The following ST6GALNAC5 variants were observed in gnomAD, a reference collection of about 807,000 sequenced individuals.
ST6GALNAC5 encodes ST6 N-acetylgalactosaminide alpha-2,6-sialyltransferase 5, also known as alpha-N-acetylgalactosaminide alpha-2,6-sialyltransferase 5.
In ST6GALNAC5, 27 loss-of-function variants were observed where a neutral mutation model predicts 33.6. That is an observed-to-expected ratio of 0.80 (90% CI 0.59 to 1.11). The LOEUF is 1.11. Ranked by LOEUF, ST6GALNAC5 falls within the 50% of genes least tolerant of loss-of-function variation. The probability of loss-of-function intolerance (pLI) is 0.00; values close to 1 mark genes in which losing one functional copy is unlikely to be tolerated. For missense variants in ST6GALNAC5, 428 were observed against 454.0 expected (o/e 0.94, Z 0.52); for synonymous variants, 194 against 171.2 (o/e 1.13, Z -1.04).
At chr1:77,056,271 A>G (rs1652392421) in intron 4 of ST6GALNAC5, among the ~76,000 whole-genome samples, 1 of 152,170 alleles carries the variant, frequency 6.6e-6, no homozygotes, top group South Asian at 2.1e-4. Flanking sequence ...GCGTGAAAAG[A>G]TCTGTTGTCG....
intron 2 of ST6GALNAC5, among the ~76,000 whole-genome samples, chr1:76,942,600 C>T (rs1007740880): frequency 1.3e-5 from 2 of 152,098 alleles, no homozygotes; most frequent in African/African-American, 4.8e-5. Context: ...GCTCTAAGCA[C>T]AGCAGCACAT....
chr1:76,942,273 A>C (rs1369842014), intron 2 of ST6GALNAC5, among the ~76,000 whole-genome samples: 2 of 152,084 alleles, frequency 1.3e-5, no homozygotes, highest in African/African-American at 2.4e-5. Flanking sequence ...AGTATTCCTG[A>C]AATTGGTTTT....
At chr1:76,979,286 G>A (rs2100378497) in intron 2 of ST6GALNAC5, among the ~76,000 whole-genome samples, 1 of 152,120 alleles carries the variant, frequency 6.6e-6, no homozygotes, top group Non-Finnish European at 1.5e-5. Context: ...AATTCATATT[G>A]AAATGCAGAA....
rs555015247 is a variant in ST6GALNAC5 at position 76,867,772 on chromosome 1, G to A, written c.15+82G>A. The A allele has an allele frequency of 1.6e-4, 262 of 1,604,242 alleles. 1 individual carries two copies. In the East Asian group the frequency reaches 3.6e-3, roughly 22 times the overall value. ...CCACGGGACGCACCGTGGAGACTCC[G>A]AGACGCCTAACCCTGGGCCGCGAGG... On this transcript the variant is annotated intron_variant, in intron 1 of 4. Transcript: ENST00000477717.
chr1:76,946,745 T>C (rs1231465048), intron 2 of ST6GALNAC5, among the ~76,000 whole-genome samples: 1 of 152,172 alleles, frequency 6.6e-6, no homozygotes, highest in Non-Finnish European at 1.5e-5. Flanking sequence ...TTTGGGCTTC[T>C]GCTTTTGTGT....
intron 2 of ST6GALNAC5, among the ~76,000 whole-genome samples, chr1:76,936,071 G>A (rs1647200011): frequency 6.6e-6 from 1 of 151,958 alleles, no homozygotes; most frequent in East Asian, 1.9e-4. Context: ...CTAGTGTAGT[G>A]GAAAGATTAT....
chr1:76,957,920 G>A (rs1444532030), intron 2 of ST6GALNAC5, among the ~76,000 whole-genome samples: 1 of 151,820 alleles, frequency 6.6e-6, no homozygotes, highest in Non-Finnish European at 1.5e-5. Flanking sequence ...TCTCCTTTTA[G>A]CTAGAAGGAT....
intron 2 of ST6GALNAC5, among the ~76,000 whole-genome samples, chr1:77,020,712 C>T (rs75077472): frequency 8.1e-4 from 124 of 152,294 alleles, no homozygotes; most frequent in African/African-American, 2.7e-3. Flanking sequence ...TATGCCATGC[C>T]TCTTACTGAA....
At chr1:76,980,047 C>T (rs150629997) in intron 2 of ST6GALNAC5, among the ~76,000 whole-genome samples, 369 of 151,820 alleles carry the variant, frequency 2.4e-3, no homozygotes, top group African/African-American at 8.6e-3. Flanking sequence ...TTTAATAAGA[C>T]CTAAGAAGGA....
chr1:76,900,978 G>A (rs1646812135), intron 2 of ST6GALNAC5, among the ~76,000 whole-genome samples: 1 of 152,128 alleles, frequency 6.6e-6, no homozygotes, highest in South Asian at 2.1e-4. Flanking sequence ...CACATTGTTA[G>A]CCTCACTAGA....
At position 76,954,876 on chromosome 1, in the gene ST6GALNAC5, C is replaced by G. The variant is rs922366460; in HGVS notation, c.261+86134C>G. ...TTTGAGGAAATGCCTTATTCACTAT[C>G]AGTTTCCCTTAGTGTTAAAATGGAG... is the stretch of plus-strand genomic sequence containing the variant. On this transcript the variant is annotated intron_variant, in intron 2 of 4. Coordinates refer to ENST00000477717, the MANE Select transcript of ST6GALNAC5 (RefSeq NM_030965.3). Among the ~76,000 whole-genome samples the G allele has an allele frequency of 1.2e-4, 18 of 152,208 alleles. 1 individual carries two copies. Among genetic ancestry groups the G allele is most frequent in the Admixed American group, 1.1e-3 (17 of 15,268 alleles).
At chr1:77,021,765 T>A (rs1158749070) in intron 2 of ST6GALNAC5, among the ~76,000 whole-genome samples, 4 of 152,202 alleles carry the variant, frequency 2.6e-5, no homozygotes, top group African/African-American at 9.6e-5. Context: ...CCCTCTCCAA[T>A]AAGCCTGTGA....
intron 2 of ST6GALNAC5, among the ~76,000 whole-genome samples, chr1:76,877,553 T>C (rs1229689859): frequency 6.6e-6 from 1 of 152,176 alleles, no homozygotes; most frequent in Non-Finnish European, 1.5e-5. Flanking sequence ...AAGGAATATC[T>C]CAACAGGCCC....
intron 4 of ST6GALNAC5, among the ~76,000 whole-genome samples, chr1:77,053,769 G>T (rs1426394445): frequency 1.3e-5 from 2 of 152,182 alleles, no homozygotes; most frequent in Non-Finnish European, 2.9e-5. Flanking sequence ...AAGTTATGGG[G>T]TGAAAGGATT....
intron 2 of ST6GALNAC5, among the ~76,000 whole-genome samples, chr1:76,918,572 C>A (rs1646998889): frequency 7.5e-6 from 1 of 132,606 alleles, no homozygotes; most frequent in South Asian, 2.6e-4. Flanking sequence ...GAGCCGAGAT[C>A]ACACCACTGC....
chr1:77,020,002 A>G (rs1168590764), intron 2 of ST6GALNAC5, among the ~76,000 whole-genome samples: 3 of 152,326 alleles, frequency 2.0e-5, no homozygotes, highest in African/African-American at 7.2e-5. Flanking sequence ...CATATTTTAC[A>G]TGAAAACCTG....
intron 2 of ST6GALNAC5, among the ~76,000 whole-genome samples, chr1:77,039,471 C>T (rs1273087595): frequency 6.6e-6 from 1 of 152,234 alleles, no homozygotes; most frequent in Non-Finnish European, 1.5e-5. Context: ...CACCCTTTCT[C>T]TTTGTGGCAT....
intron 3 of ST6GALNAC5, among the ~76,000 whole-genome samples, chr1:77,049,603 T>C (rs1163400170): frequency 6.6e-6 from 1 of 152,176 alleles, no homozygotes; most frequent in East Asian, 1.9e-4. Flanking sequence ...ATTTTTGGTC[T>C]CCTAGTAAAA....
At chr1:76,885,030 T>C (rs903401535) in intron 2 of ST6GALNAC5, among the ~76,000 whole-genome samples, 7 of 152,154 alleles carry the variant, frequency 4.6e-5, no homozygotes, top group Non-Finnish European at 2.9e-5. Context: ...CCACAGAGCA[T>C]GCTGATGGTA....
Sources: gnomAD v4.1 joint callset for allele counts (sites outside exome capture counted in the v4.1 genomes callset) on GRCh38, gnomAD v4.1.1 for gene constraint, MANE v1.5 for transcripts, NCBI Gene and HGNC (gene_info 2026-07-23, HGNC 2026-07-21) for gene names.